The following CCBE1 variants were observed in gnomAD, a reference collection of about 807,000 sequenced individuals.
CCBE1 encodes collagen and calcium binding EGF domains 1, also known as collagen and calcium-binding EGF domain-containing protein 1.
A neutral mutation model predicts 50.0 loss-of-function variants in CCBE1; 37 were observed. That is an observed-to-expected ratio of 0.74 (90% confidence interval 0.57 to 0.97). The LOEUF (loss-of-function observed/expected upper bound fraction) is 0.97. Ranked by LOEUF, CCBE1 falls within the 50% of genes least tolerant of loss-of-function variation. CCBE1 has a pLI of 0.00. For synonymous variants in CCBE1, 234 were observed against 203.7 expected (o/e 1.15, Z -1.27); for missense variants, 538 against 523.8 (o/e 1.03, Z -0.26).
At chr18:59,500,889 T>A (rs537129424) in intron 2 of CCBE1, among the ~76,000 whole-genome samples, 1 of 152,306 alleles carries the variant, frequency 6.6e-6, no homozygotes, top group East Asian at 1.9e-4. Context: ...TTGCTACTGA[T>A]GGTCCCCCAG....
chr18:59,482,378 A>G (rs1210829691), intron 2 of CCBE1, among the ~76,000 whole-genome samples: 1 of 152,240 alleles, frequency 6.6e-6, no homozygotes, highest in Non-Finnish European at 1.5e-5. Flanking sequence ...ATTGTGGAAG[A>G]TAGTGTGGCA....
intron 2 of CCBE1, among the ~76,000 whole-genome samples, chr18:59,642,948 C>CAAAAAAAAAAAAA (rs10683687): frequency 1.9e-4 from 18 of 94,198 alleles, no homozygotes; most frequent in African/African-American, 6.6e-4. Flanking sequence ...GACTCCACCT[C>CAAAAAAAAAAAAA]AAAAAAAAAA....
chr18:59,624,801 T>C (rs765214167), intron 2 of CCBE1, among the ~76,000 whole-genome samples: 1 of 152,258 alleles, frequency 6.6e-6, no homozygotes, highest in Non-Finnish European at 1.5e-5. Context: ...CTTCAGTGTT[T>C]ACCAAACCTC....
At chr18:59,510,289 A>G (rs535600139) in intron 2 of CCBE1, among the ~76,000 whole-genome samples, 1 of 152,354 alleles carries the variant, frequency 6.6e-6, no homozygotes, top group East Asian at 1.9e-4. Context: ...TATGTTTATT[A>G]GGATTTAATG....
chr18:59,697,527 A>G (rs1477414997), upstream of CCBE1: 17 of 772,264 alleles, frequency 2.2e-5, no homozygotes, highest in African/African-American at 3.6e-5. Flanking sequence ...TGAGGCTAGG[A>G]GTTGGGGTAT....
At chr18:59,660,852 A>C (rs1568260281) in intron 2 of CCBE1, among the ~76,000 whole-genome samples, 1 of 152,236 alleles carries the variant, frequency 6.6e-6, no homozygotes, top group African/African-American at 2.4e-5. Flanking sequence ...TGTGGCCAAA[A>C]GGTCAACCAC....
intron 2 of CCBE1, among the ~76,000 whole-genome samples, chr18:59,579,242 C>A (rs1178507768): frequency 6.6e-6 from 1 of 152,070 alleles, no homozygotes; most frequent in Non-Finnish European, 1.5e-5. Context: ...CTAAAAGTAG[C>A]TGGGAAAACA....
chr18:59,435,958 T>C lies in CCBE1; in HGVS notation c.1171A>G (p.Arg391Gly), dbSNP rs1323072999. Residue 391 changes from arginine to glycine, a missense_variant, in exon 11 of 11, where the codon AGA becomes GGA. Physicochemically the swap from Arg to Gly is moderately radical, Grantham distance 125 (BLOSUM62 -2). Transcript: ENST00000439986. ...MDLGSGDDHPRRTETRDLRAP... is the reference protein window; with the variant it reads ...MDLGSGDDHPGRTETRDLRAP... ...CTCAAGTCTCTTGTCTCAGTTCTTC[T>C]TGGATGGTCATCTCCAGAGCCCAGG... 1 of 1,614,138 alleles carries C rather than the reference T, an allele frequency of 6.2e-7. No homozygotes were observed. Among genetic ancestry groups the C allele is most frequent in the Non-Finnish European group, 8.5e-7 (1 of 1,180,020 alleles).
At chr18:59,643,851 A>G (rs930913859) in intron 2 of CCBE1, among the ~76,000 whole-genome samples, 4 of 151,894 alleles carry the variant, frequency 2.6e-5, no homozygotes, top group Non-Finnish European at 5.9e-5. Context: ...GTGAGGTTGA[A>G]CAGGTTTCGA....
intron 2 of CCBE1, among the ~76,000 whole-genome samples, chr18:59,483,705 A>G (rs1912682881): frequency 6.6e-6 from 1 of 152,098 alleles, no homozygotes; most frequent in Admixed American, 6.6e-5. Context: ...GGGAACAGCA[A>G]CTCCACTTCA....
At chr18:59,585,132 C>A (rs1246748322) in intron 2 of CCBE1, among the ~76,000 whole-genome samples, 1 of 152,042 alleles carries the variant, frequency 6.6e-6, no homozygotes, top group Non-Finnish European at 1.5e-5. Context: ...TTCCTTCCAG[C>A]CAAAAAGCCT....
intron 2 of CCBE1, among the ~76,000 whole-genome samples, chr18:59,656,760 C>T (rs2054195732): frequency 6.6e-6 from 1 of 152,176 alleles, no homozygotes; most frequent in Non-Finnish European, 1.5e-5. Flanking sequence ...TGTAGGCTTC[C>T]TCTACGATAG....
chr18:59,461,729 CTTTTTT>C (rs36013463), intron 5 of CCBE1, among the ~76,000 whole-genome samples: 6 of 109,324 alleles, frequency 5.5e-5, no homozygotes, highest in Admixed American at 3.2e-4. Flanking sequence ...CAGGTGTAAT[CTTTTTT>C]TTTTTTTTTT....
intron 2 of CCBE1, among the ~76,000 whole-genome samples, chr18:59,542,283 T>TGGTAGTATTA (rs151135616): frequency 6.6e-6 from 1 of 151,800 alleles, no homozygotes; most frequent in African/African-American, 2.4e-5. Flanking sequence ...GAAATCTTAA[T>TGGTAGTATTA]AAATTCTTGA....
intron 2 of CCBE1, among the ~76,000 whole-genome samples, chr18:59,628,650 T>C (rs971184878): frequency 6.6e-6 from 1 of 152,120 alleles, no homozygotes; most frequent in Non-Finnish European, 1.5e-5. Flanking sequence ...GGCCTTCTAA[T>C]CTAACCTGAG....
chr18:59,469,467 A>G lies in CCBE1; in HGVS notation c.400+6T>C. 4 of 1,614,180 alleles carry G rather than the reference A, an allele frequency of 2.5e-6. No individual in the cohort carries two copies. The highest frequency in any genetic ancestry group is 2.5e-6 in the Non-Finnish European group (3 of 1,180,020). On this transcript the variant is annotated splice_donor_region_variant and intron_variant, in intron 4 of 10. Coordinates refer to ENST00000439986, the MANE Select transcript of CCBE1 (RefSeq NM_133459.4). ...GAAGCTGGAAACAAGCACATTCCCA[A>G]CACACCCAGACAGTATGGCTTCTCC...
intron 2 of CCBE1, among the ~76,000 whole-genome samples, chr18:59,616,005 T>C (rs947139507): frequency 6.6e-6 from 1 of 152,222 alleles, no homozygotes; most frequent in Non-Finnish European, 1.5e-5. Context: ...GAATCTCTAG[T>C]AGCTGAGCTC....
chr18:59,601,363 G>A (rs1040892960), intron 2 of CCBE1, among the ~76,000 whole-genome samples: 1 of 152,008 alleles, frequency 6.6e-6, no homozygotes, highest in Non-Finnish European at 1.5e-5. Context: ...TCTCATGACA[G>A]TAAGTCTCAC....
chr18:59,658,717 T>C (rs933633580), intron 2 of CCBE1, among the ~76,000 whole-genome samples: 2 of 150,910 alleles, frequency 1.3e-5, no homozygotes, highest in African/African-American at 4.9e-5. Context: ...CTGTCTCTAC[T>C]GAAAATACAA....
Sources: gnomAD v4.1 joint callset for allele counts (sites outside exome capture counted in the v4.1 genomes callset) on GRCh38, gnomAD v4.1.1 for gene constraint, MANE v1.5 for transcripts, NCBI Gene and HGNC (gene_info 2026-07-23, HGNC 2026-07-21) for gene names.